KLF8: variants seen among roughly 807,000 people sequenced by gnomAD.
The protein encoded by KLF8 is KLF transcription factor 8, also known as Krueppel-like factor 8.
Under a neutral mutation model 18.2 loss-of-function variants are expected in KLF8, and 10 were observed. The observed-to-expected ratio is 0.55, with a 90% CI of 0.34 to 0.93. The LOEUF is 0.93. Ranked by LOEUF, KLF8 falls within the 40% of genes least tolerant of loss-of-function variation. The pLI is 0.02. For missense variants in KLF8, 264 were observed against 277.9 expected, an observed-to-expected ratio of 0.95 and a Z score of 0.36; for synonymous variants, 109 against 97.3, an observed-to-expected ratio of 1.12 and a Z score of -0.71.
At chrX:55,996,878 G>A in the KLF8 span, among the ~76,000 whole-genome samples, 1 of 112,349 alleles carries the variant, frequency 8.9e-6, no homozygotes, top group Non-Finnish European at 1.9e-5. Context: ...ATACATGCTT[G>A]TGATGGAGGT....
chrX:56,017,438 A>T, the KLF8 span, among the ~76,000 whole-genome samples: 3 of 112,497 alleles, frequency 2.7e-5, no homozygotes, highest in Non-Finnish European at 5.6e-5. Flanking sequence ...TTCAGACAAA[A>T]CCAGAAGCAG....
chrX:56,264,353 G>GTATTTATTGT (rs2066932823), intron 2 of KLF8, among the ~76,000 whole-genome samples: 1 of 107,213 alleles, frequency 9.3e-6, no homozygotes, highest in Non-Finnish European at 1.9e-5. Flanking sequence ...GTATTTATTG[G>GTATTTATTGT]TTTTTTAAAC....
the KLF8 span, among the ~76,000 whole-genome samples, chrX:55,946,604 A>G: frequency 8.9e-6 from 1 of 111,920 alleles, no homozygotes; most frequent in Non-Finnish European, 1.9e-5. Context: ...AAACACCAAA[A>G]GCAATGGTAA....
the KLF8 span, among the ~76,000 whole-genome samples, chrX:56,097,703 T>C: frequency 1.3e-5 from 1 of 78,777 alleles, no homozygotes; most frequent in Non-Finnish European, 2.3e-5. Context: ...GAGTGTGATG[T>C]TCCCCTTCCT....
At chrX:56,015,724 G>T in the KLF8 span, among the ~76,000 whole-genome samples, 2 of 111,858 alleles carry the variant, frequency 1.8e-5, no homozygotes, top group South Asian at 7.5e-4. Context: ...CCAGGGAAAA[G>T]AGTTAAGAGG....
chrX:56,039,774 T>C, the KLF8 span, among the ~76,000 whole-genome samples: 10,112 of 111,372 alleles, frequency 0.091, 1,148 homozygotes, highest in African/African-American at 0.32. Context: ...AGAATGTCAA[T>C]GGTAGTTTAA....
chrX:55,924,315 G>C, the KLF8 span, among the ~76,000 whole-genome samples: 1 of 111,422 alleles, frequency 9.0e-6, no homozygotes, highest in Non-Finnish European at 1.9e-5. Context: ...CTGACCTCCT[G>C]ATCTGCCCGC....
chrX:56,050,882 A>G, the KLF8 span, among the ~76,000 whole-genome samples: 1 of 109,242 alleles, frequency 9.2e-6, no homozygotes, highest in Non-Finnish European at 1.9e-5. Context: ...AAAGTCTCCC[A>G]TTATTAATGT....
chrX:55,934,694 C>A, the KLF8 span, among the ~76,000 whole-genome samples: 1 of 112,458 alleles, frequency 8.9e-6, no homozygotes, highest in Non-Finnish European at 1.9e-5. Context: ...CAACCAATTT[C>A]TCTCTCAGAA....
At chrX:56,125,279 C>G in the KLF8 span, among the ~76,000 whole-genome samples, 5 of 111,925 alleles carry the variant, frequency 4.5e-5, no homozygotes, top group Non-Finnish European at 9.4e-5. Flanking sequence ...TTCTCAGTGT[C>G]TTTCTTAGAC....
At chrX:56,208,794 T>A in the KLF8 span, among the ~76,000 whole-genome samples, 1 of 112,131 alleles carries the variant, frequency 8.9e-6, no homozygotes, top group Non-Finnish European at 1.9e-5. Context: ...CAATAATTTC[T>A]ACATTCATTC....
the KLF8 span, among the ~76,000 whole-genome samples, chrX:56,159,977 T>C: frequency 1.8e-5 from 2 of 111,958 alleles, no homozygotes; most frequent in East Asian, 5.6e-4. Flanking sequence ...TTAATTGTGA[T>C]ATTAGGGTGT....
At chrX:56,083,222 A>C in the KLF8 span, among the ~76,000 whole-genome samples, 1 of 112,044 alleles carries the variant, frequency 8.9e-6, no homozygotes, top group Non-Finnish European at 1.9e-5. Context: ...TCAATGTAAA[A>C]GTTACGTATT....
chrX:55,918,151 T>C, the KLF8 span, among the ~76,000 whole-genome samples: 4 of 112,199 alleles, frequency 3.6e-5, no homozygotes, highest in Non-Finnish European at 7.5e-5. Context: ...AAGTTGTTTC[T>C]ACCTCTGGGT....
the KLF8 span, among the ~76,000 whole-genome samples, chrX:56,186,689 G>A: frequency 8.9e-6 from 1 of 111,923 alleles, no homozygotes; most frequent in Non-Finnish European, 1.9e-5. Context: ...TCAGACCACA[G>A]TGCAATCAAA....
At chrX:55,960,380 G>A in the KLF8 span, among the ~76,000 whole-genome samples, 2 of 111,310 alleles carry the variant, frequency 1.8e-5, no homozygotes, top group African/African-American at 6.5e-5. Flanking sequence ...GCCAGGTGTG[G>A]TGGTGCACGC....
chrX:56,127,952 C>T, the KLF8 span, among the ~76,000 whole-genome samples: 2 of 111,370 alleles, frequency 1.8e-5, no homozygotes, highest in Admixed American at 1.9e-4. Context: ...AGGTCTTTGC[C>T]AGGTACTGAT....
chrX:55,944,898 T>C, the KLF8 span, among the ~76,000 whole-genome samples: 5 of 111,113 alleles, frequency 4.5e-5, no homozygotes, highest in African/African-American at 9.8e-5. Flanking sequence ...GCTCTTGCTT[T>C]TCTAGTTCTT....
chrX:55,977,377 G>C, the KLF8 span, among the ~76,000 whole-genome samples: 61 of 111,477 alleles, frequency 5.5e-4, no homozygotes, highest in Non-Finnish European at 1.0e-3. Context: ...TGGAATTTTT[G>C]TGGTATCAGT....
Sources: allele counts gnomAD v4.1 joint callset (sites outside exome capture counted in the v4.1 genomes callset), GRCh38; gene constraint gnomAD v4.1.1; transcripts MANE v1.5; gene names NCBI Gene and HGNC (gene_info 2026-07-23, HGNC 2026-07-21).